Variants in ADGB observed in about 807,000 individuals in gnomAD.
ADGB encodes calpain-7-like protein.
ADGB carries 172 observed loss-of-function variants against 210.5 expected under a neutral mutation model. That is an observed-to-expected ratio of 0.82 (90% confidence interval 0.72 to 0.93). ADGB has a LOEUF of 0.93. ADGB is among the 40% of genes least tolerant of loss of function. The pLI, the probability that ADGB is intolerant of heterozygous loss-of-function variation, is 0.00. For missense variants in ADGB, 2,025 were observed against 1,964.8 expected (o/e 1.03, Z -0.58); for synonymous variants, 658 against 662.7 (o/e 0.99, Z 0.11).
At chr6:146,607,005 C>G (rs983736580) in intron 1 of ADGB, among the ~76,000 whole-genome samples, 3 of 152,108 alleles carry the variant, frequency 2.0e-5, no homozygotes, top group African/African-American at 7.2e-5. Context: ...GTCATTTTAA[C>G]AATGTTGATT....
At chr6:146,688,362 T>C (rs1221994627) in intron 10 of ADGB, among the ~76,000 whole-genome samples, 3 of 152,040 alleles carry the variant, frequency 2.0e-5, no homozygotes, top group African/African-American at 7.2e-5. Context: ...AAGTCCTCCC[T>C]AAGGGAGAAC....
At chr6:146,755,746 A>C (rs146822137) in intron 27 of ADGB, among the ~76,000 whole-genome samples, 57 of 151,580 alleles carry the variant, frequency 3.8e-4, no homozygotes, top group African/African-American at 1.3e-3. Context: ...TATGTTTTTG[A>C]ATTATTCCAT....
Position 146,659,586 on chromosome 6 carries a change from C to T in ADGB, c.612+2606C>T, listed in dbSNP as rs113619156. Among the ~76,000 whole-genome samples the T allele has an allele frequency of 9.0e-3, 1,369 of 152,282 alleles. 8 individuals carry two copies. Among genetic ancestry groups the T allele is most frequent in the Non-Finnish European group, 0.015 (992 of 68,034 alleles). The stretch of plus-strand genomic sequence containing the variant: ...ACATTTAAAAATTCTGATTTTCACA[C>T]CAGGTTATCATTTTTTCTATGAAAG... On this transcript the variant is annotated intron_variant, in intron 5 of 35. Transcript: ENST00000397944.
intron 35 of ADGB, among the ~76,000 whole-genome samples, chr6:146,809,564 A>G (rs1583650737): frequency 6.6e-6 from 1 of 151,998 alleles, no homozygotes; most frequent in South Asian, 2.1e-4. Context: ...CTGTTCTCAA[A>G]CTCCTGAGTT....
intron 29 of ADGB, among the ~76,000 whole-genome samples, chr6:146,781,390 C>T (rs1378406713): frequency 2.0e-5 from 3 of 149,224 alleles, no homozygotes; most frequent in African/African-American, 4.9e-5. Flanking sequence ...TCACAATACC[C>T]GAAAATTAGA....
intron 2 of ADGB, among the ~76,000 whole-genome samples, chr6:146,640,522 T>G (rs1047822586): frequency 6.6e-6 from 1 of 151,944 alleles, no homozygotes; most frequent in Non-Finnish European, 1.5e-5. Flanking sequence ...ACAAGATACT[T>G]GCAAATTGAA....
At chr6:146,699,614 C>A (rs1201433686) in intron 12 of ADGB, among the ~76,000 whole-genome samples, 1 of 152,162 alleles carries the variant, frequency 6.6e-6, no homozygotes. Flanking sequence ...TAATGTTTTA[C>A]TGGTCATCTA....
chr6:146,654,154 A>G lies in ADGB; in HGVS notation c.350A>G (p.Asn117Ser). 1.3e-6 allele frequency: 2 copies of G among 1,542,042 alleles called. No homozygotes were observed. Among genetic ancestry groups the G allele is most frequent in the Non-Finnish European group, 1.8e-6 (2 of 1,140,106 alleles). The part of the protein sequence containing the change: ...LFSQTPVVVK[N>S]EITFDLFSAN... ...TTTCAGACTCCAGTAGTTGTGAAAA[A>G]TGAAATCACGTTTGACTTATTTTCA... The change falls in exon 4 of 36, where the codon AAT becomes AGT. Residue 117 changes from asparagine (N) to serine (S), a missense_variant. Transcript: ENST00000397944.
intron 13 of ADGB, among the ~76,000 whole-genome samples, chr6:146,704,508 A>G (rs1049479302): frequency 3.3e-5 from 5 of 151,988 alleles, no homozygotes; most frequent in African/African-American, 1.2e-4. Flanking sequence ...GTATGAGGTG[A>G]CATTCCTCTT....
chr6:146,647,670 A>G (rs1433942888), intron 3 of ADGB, among the ~76,000 whole-genome samples: 4 of 152,090 alleles, frequency 2.6e-5, no homozygotes, highest in African/African-American at 4.8e-5. Flanking sequence ...TCAGGCCACA[A>G]CAACAACTAG....
chr6:146,735,359 T>C (rs545530672), intron 22 of ADGB, among the ~76,000 whole-genome samples: 23 of 152,140 alleles, frequency 1.5e-4, no homozygotes, highest in Non-Finnish European at 2.5e-4. Context: ...CTTTATCCCA[T>C]GAGGAAGGTG....
chr6:146,622,468 C>T (rs1161085656), intron 1 of ADGB, among the ~76,000 whole-genome samples: 1 of 152,058 alleles, frequency 6.6e-6, no homozygotes, highest in Non-Finnish European at 1.5e-5. Context: ...ACATAGCCAA[C>T]AATGTAATGC....
intron 2 of ADGB, among the ~76,000 whole-genome samples, chr6:146,636,613 T>TGTGTGGGTGTGGGTGG (rs1775427161): frequency 6.6e-6 from 1 of 151,506 alleles, no homozygotes; most frequent in South Asian, 2.1e-4. Context: ...AGAGTGTGAG[T>TGTGTGGGTGTGGGTGG]GTGTGGGTGT....
chr6:146,809,488 G>C (rs2114674480), intron 35 of ADGB, among the ~76,000 whole-genome samples: 1 of 152,130 alleles, frequency 6.6e-6, no homozygotes, highest in East Asian at 1.9e-4. Context: ...TTACAGGCTG[G>C]AGCCATGGCA....
At chr6:146,614,207 CCCTTCCTT>C (rs1177746918) in intron 1 of ADGB, among the ~76,000 whole-genome samples, 1 of 132,578 alleles carries the variant, frequency 7.5e-6, no homozygotes, top group Non-Finnish European at 1.6e-5. Context: ...CTCCCTTCCT[CCCTTCCTT>C]CCTCCCTTCC....
chr6:146,604,402 T>C (rs1780603828), intron 1 of ADGB, among the ~76,000 whole-genome samples: 1 of 152,176 alleles, frequency 6.6e-6, no homozygotes, highest in African/African-American at 2.4e-5. Context: ...GTAATACTTT[T>C]GTATTTTGTT....
At chr6:146,784,005 G>A (rs1777837488) in intron 30 of ADGB, among the ~76,000 whole-genome samples, 1 of 152,186 alleles carries the variant, frequency 6.6e-6, no homozygotes, top group Non-Finnish European at 1.5e-5. Flanking sequence ...ATAATTTAAT[G>A]TGTACAGTTT....
At chr6:146,726,504 T>C (rs1207739892) in intron 19 of ADGB, among the ~76,000 whole-genome samples, 4 of 152,228 alleles carry the variant, frequency 2.6e-5, no homozygotes, top group Admixed American at 2.6e-4. Flanking sequence ...ATCACAGGCA[T>C]GAGCCACCGC....
At chr6:146,669,362 T>A (rs1030723509) in intron 7 of ADGB, among the ~76,000 whole-genome samples, 8 of 152,022 alleles carry the variant, frequency 5.3e-5, no homozygotes, top group African/African-American at 1.9e-4. Context: ...AAAAAAAATC[T>A]TAATAAATGA....
Sources: allele counts gnomAD v4.1 joint callset (sites outside exome capture counted in the v4.1 genomes callset), GRCh38; gene constraint gnomAD v4.1.1; transcripts MANE v1.5; gene names NCBI Gene and HGNC (gene_info 2026-07-23, HGNC 2026-07-21).